Variants in HDLBP observed in about 807,000 individuals in gnomAD.
HDLBP encodes the protein vigilin.
In HDLBP, 30 loss-of-function variants were observed where a neutral mutation model predicts 137.3. That is an observed-to-expected ratio of 0.22 (90% CI 0.16 to 0.30). HDLBP has a LOEUF of 0.30. HDLBP is among the 10% of genes least tolerant of loss of function. The pLI is 1.00. For synonymous variants in HDLBP, 606 were observed against 596.0 expected (o/e 1.02, Z -0.24); for missense variants, 1,119 against 1,667.3 (o/e 0.67, Z 5.73).
chr2:241,271,783 T>C (rs530841898), intron 1 of HDLBP: 2 of 152,294 alleles, frequency 1.3e-5, no homozygotes, highest in South Asian at 4.1e-4. Context: ...AAACTAAAAT[T>C]ACTCAAGACC....
In HDLBP at chr2:241,248,967, C is replaced by T. The variant is rs748489950; in HGVS notation, c.1513-619G>A. Among the ~76,000 whole-genome samples, 7 of 152,196 alleles carry T rather than the reference C, an allele frequency of 4.6e-5. No homozygotes were observed. The East Asian group carries it at 7.8e-4, about 17-fold the overall frequency. ...GAATTCTGAGAGATTCTGGATCAAA[C>T]GGCTATTGGCTGACAGAGAAGTAAG... On this transcript the variant is annotated intron_variant, in intron 12 of 27. Coordinates refer to ENST00000310931, the MANE Select transcript of HDLBP (RefSeq NM_005336.6).
At chr2:241,259,305 G>A (rs1198993602) in intron 5 of HDLBP, among the ~76,000 whole-genome samples, 3 of 152,212 alleles carry the variant, frequency 2.0e-5, no homozygotes, top group African/African-American at 4.8e-5. Context: ...CTGCAAAGGT[G>A]AGGAGGGAGC....
chr2:241,289,631 C>T (rs189718374), intron 1 of HDLBP, among the ~76,000 whole-genome samples: 1 of 152,262 alleles, frequency 6.6e-6, no homozygotes, highest in East Asian at 1.9e-4. Context: ...ACACTATTTC[C>T]TACTATTAGA....
At position 241,229,908 on chromosome 2, in the gene HDLBP, T is replaced by C. The variant is rs2069525202; in HGVS notation, c.3645A>G (p.Ala1215=). 6.3e-7 allele frequency: 1 copy of C among 1,599,962 alleles called. No homozygotes were observed. The highest frequency in any genetic ancestry group is 8.5e-7 in the Non-Finnish European group (1 of 1,172,720). ...EALQVYMKPP[A]HEEAKAPSRG... ...TGGAAGGTGCCTTGGCCTCTTCGTGTGCTGGGGGTTTCATGTATACCTGCA... is the reference window on the plus strand; with the variant it reads ...TGGAAGGTGCCTTGGCCTCTTCGTGCGCTGGGGGTTTCATGTATACCTGCA... The change falls in exon 27 of 28, where the codon GCA becomes GCG. Residue 1215 remains alanine, a synonymous_variant. Transcript: ENST00000310931.
At position 241,306,539 on chromosome 2, in the gene HDLBP, G is replaced by A. The variant is rs144588261; in HGVS notation, c.-103+9031C>T. Among the ~76,000 whole-genome samples the A allele has an allele frequency of 5.6e-3, 859 of 152,238 alleles. 16 individuals are homozygous for A. Among genetic ancestry groups the A allele is most frequent in the African/African-American group, 0.019 (797 of 41,546 alleles). ...CTCCCAAAGTGCTGGGACTACAGGC[G>A]TGAGCCACTGCGCCTGGCCTCAGCT... On this transcript the variant is annotated intron_variant, in intron 1 of 27. Transcript: ENST00000310931.
chr2:241,299,090 T>A (rs2075293480), intron 1 of HDLBP, among the ~76,000 whole-genome samples: 1 of 152,118 alleles, frequency 6.6e-6, no homozygotes, highest in Non-Finnish European at 1.5e-5. Flanking sequence ...TATCCCAGGG[T>A]GAGGTTCGTA....
In HDLBP at chr2:241,293,005, C is replaced by A. The variant is rs563745433; in HGVS notation, c.-103+22565G>T. ...GCTGTGCCACTGCACTCGGCCTGGG[C>A]AACAAAGCGAGACCCCGTCTCAGAA... On this transcript the variant is annotated intron_variant, in intron 1 of 27. Coordinates refer to ENST00000310931, the MANE Select transcript of HDLBP (RefSeq NM_005336.6). Among the ~76,000 whole-genome samples, 4 of 151,778 alleles carry A rather than the reference C, an allele frequency of 2.6e-5. No homozygotes were observed. In the East Asian group the frequency reaches 7.8e-4, roughly 30 times the overall value.
At chr2:241,271,510 A>T (rs1294546071) in intron 1 of HDLBP, among the ~76,000 whole-genome samples, 2 of 152,224 alleles carry the variant, frequency 1.3e-5, no homozygotes, top group Middle Eastern at 3.2e-3. Context: ...TTCTGACAGC[A>T]ACAAAAAAGG....
chr2:241,282,818 C>T (rs1016666905), intron 1 of HDLBP, among the ~76,000 whole-genome samples: 15 of 152,282 alleles, frequency 9.9e-5, no homozygotes, highest in Middle Eastern at 3.4e-3. Flanking sequence ...CTCTCCCTCT[C>T]CTCATGCCGC....
Position 241,252,835 on chromosome 2 carries a change from C to T in HDLBP, c.1372+122G>A, listed in dbSNP as rs372907758. The T allele has an allele frequency of 1.2e-4, 74 of 631,226 alleles. 1 individual carries two copies. Among genetic ancestry groups the T allele is most frequent in the African/African-American group, 1.1e-3 (62 of 55,740 alleles). The allele number at this position is 631,226 out of a possible 1,614,324, so 39.1% of individuals were successfully genotyped here. A position where few individuals can be genotyped will look rare whatever the true frequency, so the allele number is the denominator to read the frequency against. Reference sequence around the variant, plus strand: ...AGGCAGGAGGATGTAAAGTCTGTAACTCCCATTACAGGCAGCAATGGGCCT... The same window carrying T: ...AGGCAGGAGGATGTAAAGTCTGTAATTCCCATTACAGGCAGCAATGGGCCT... On this transcript the variant is annotated intron_variant, in intron 11 of 27. Transcript: ENST00000310931.
intron 16 of HDLBP, chr2:241,246,450 T>C: frequency 3.2e-6 from 1 of 311,974 alleles, no homozygotes; most frequent in Non-Finnish European, 5.9e-6. Context: ...CAATTTTTTT[T>C]AAAGGAAAGA....
Position 241,279,150 on chromosome 2 carries a change from T to C in HDLBP, c.-102-10609A>G, listed in dbSNP as rs1158127602. On this transcript the variant is annotated intron_variant, in intron 1 of 27. Transcript: ENST00000310931. ...AATAAATGGAGACAGGCCATGGTCA[T>C]CTAAAGAAAGACTTAATCATGGATA... 5.3e-5 allele frequency among the ~76,000 whole-genome samples: 8 copies of C among 152,342 alleles called. No homozygotes were observed. The East Asian group carries it at 1.5e-3, about 29-fold the overall frequency.
At chr2:241,269,596 T>C (rs984964364) in intron 1 of HDLBP, 1 of 152,172 alleles carries the variant, frequency 6.6e-6, no homozygotes, top group Admixed American at 6.5e-5. Context: ...GGGCCCCAGA[T>C]GCACCAGACA....
intron 1 of HDLBP, among the ~76,000 whole-genome samples, chr2:241,284,512 T>C (rs1193953067): frequency 6.6e-6 from 1 of 152,250 alleles, no homozygotes; most frequent in Non-Finnish European, 1.5e-5. Flanking sequence ...AGGAAGTAGA[T>C]GCTGAATGAA....
chr2:241,250,263 G>A, intron 11 of HDLBP: 1 of 290,890 alleles, frequency 3.4e-6, no homozygotes, highest in Non-Finnish European at 6.4e-6. Context: ...GGGCCACTCA[G>A]TCTGGGATTT....
At position 241,314,942 on chromosome 2, in the gene HDLBP, G is replaced by A. The variant is rs543422911; in HGVS notation, c.-103+628C>T. Among the ~76,000 whole-genome samples, 6 of 152,226 alleles carry A rather than the reference G, an allele frequency of 3.9e-5. No homozygotes were observed. The South Asian group carries it at 1.2e-3, about 32-fold the overall frequency. Reference sequence around the variant, plus strand: ...TCTCGAACAGTTGCAGTGCCTCCAGGCCACGCGGGAGGGAGGAAAGGACAC... The same window carrying A: ...TCTCGAACAGTTGCAGTGCCTCCAGACCACGCGGGAGGGAGGAAAGGACAC... On this transcript the variant is annotated intron_variant, in intron 1 of 27. Transcript: ENST00000310931.
Position 241,246,881 on chromosome 2 carries a change from A to C in HDLBP, c.1821T>G (p.Ile607Met). Residue 607 changes from isoleucine (I) to methionine (M), a missense_variant and splice_region_variant, in exon 16 of 28, where the codon ATT (isoleucine) becomes ATG (methionine). Ile to Met is a conservative substitution (Grantham distance 10). Around this residue, in one of 4 missense-constraint regions of HDLBP, gnomAD observed 425 missense variants for 693.9 expected, o/e 0.61. Coordinates refer to ENST00000310931, the MANE Select transcript of HDLBP (RefSeq NM_005336.6). ...IGKGGANIKK[I>M]REESNTKIDL... Reference sequence around the variant, plus strand: ...CGATTTTGGTGTTGCTTTCTTCACGAATCTACAGGGAGAGAGATCACCATG... The same window carrying C: ...CGATTTTGGTGTTGCTTTCTTCACGCATCTACAGGGAGAGAGATCACCATG... 1 of 1,614,172 alleles carries C rather than the reference A, an allele frequency of 6.2e-7. No homozygotes were observed. The highest frequency in any genetic ancestry group is 8.5e-7 in the Non-Finnish European group (1 of 1,180,008).
chr2:241,256,434 C>T (rs749204953), intron 6 of HDLBP, 35 bp from the exon 7 acceptor site: 2 of 1,563,674 alleles, frequency 1.3e-6, no homozygotes, highest in Non-Finnish European at 1.7e-6. Context: ...GAGAACAGGC[C>T]TTTGAAAACA....
chr2:241,267,690 AGGTGGTTATAAGT>A, intron 2 of HDLBP: 3 of 1,535,510 alleles, frequency 2.0e-6, no homozygotes, highest in Non-Finnish European at 2.6e-6. Flanking sequence ...CGACTTAACC[AGGTGGTTATAAGT>A]GGTAGCTGCG....
Sources: gnomAD v4.1 joint callset for allele counts (sites outside exome capture counted in the v4.1 genomes callset) on GRCh38, gnomAD v4.1.1 for gene constraint, gnomAD v4.1.1 regional missense constraint, MANE v1.5 for transcripts, NCBI Gene and HGNC (gene_info 2026-07-23, HGNC 2026-07-21) for gene names.